BBS9: variants seen among roughly 807,000 people sequenced by gnomAD.
BBS9 encodes the protein protein PTHB1.
A neutral mutation model predicts 117.7 loss-of-function variants in BBS9; 89 were observed. That is an observed-to-expected ratio of 0.76 (90% CI 0.64 to 0.90). The LOEUF is 0.90. BBS9 is among the 40% of genes least tolerant of loss of function. The pLI is 0.00. For missense variants in BBS9, 982 were observed against 1,042.2 expected (o/e 0.94, Z 0.80); for synonymous variants, 379 against 370.9 (o/e 1.02, Z -0.25).
chr7:33,297,291 A>G (rs1298709744), intron 9 of BBS9, among the ~76,000 whole-genome samples: 1 of 152,144 alleles, frequency 6.6e-6, no homozygotes, highest in Non-Finnish European at 1.5e-5. Flanking sequence ...AATCTATTCA[A>G]TGAATACCAC....
At chr7:33,349,332 A>G in intron 13 of BBS9, 162 bp downstream of exon 13, 1 of 665,482 alleles carries the variant, frequency 1.5e-6, no homozygotes, top group Non-Finnish European at 2.8e-6. Flanking sequence ...TCTTAGCATC[A>G]GCATGAACGT....
intron 19 of BBS9, among the ~76,000 whole-genome samples, chr7:33,437,555 G>C (rs141123250): frequency 3.7e-4 from 57 of 152,252 alleles, no homozygotes; most frequent in African/African-American, 1.3e-3. Flanking sequence ...TAGCTTCTTA[G>C]ATAACTGTGT....
At chr7:33,527,955 TA>T (rs925566234) in intron 20 of BBS9, among the ~76,000 whole-genome samples, 1 of 152,234 alleles carries the variant, frequency 6.6e-6, no homozygotes, top group African/African-American at 2.4e-5. Flanking sequence ...TACCAAGTTT[TA>T]TTTGTTCTGG....
intron 5 of BBS9, among the ~76,000 whole-genome samples, chr7:33,192,288 T>C (rs1190219967): frequency 6.6e-6 from 1 of 152,200 alleles, no homozygotes; most frequent in Non-Finnish European, 1.5e-5. Context: ...TTAAAATATA[T>C]GAATTTACTA....
intron 20 of BBS9, among the ~76,000 whole-genome samples, chr7:33,517,359 G>C (rs1396670503): frequency 6.6e-5 from 10 of 152,176 alleles, no homozygotes; most frequent in Non-Finnish European, 4.4e-5. Context: ...GCTTCCACCT[G>C]CTCAACACCT....
chr7:33,190,887 G>A (rs77096148), intron 5 of BBS9, among the ~76,000 whole-genome samples: 4,011 of 152,296 alleles, frequency 0.026, 188 homozygotes, highest in African/African-American at 0.092. Context: ...AGGAATATCA[G>A]TGAATAATTA....
intron 5 of BBS9, among the ~76,000 whole-genome samples, chr7:33,251,097 CAAAG>C (rs1240055130): frequency 6.6e-6 from 1 of 152,124 alleles, no homozygotes; most frequent in Non-Finnish European, 1.5e-5. Context: ...AGACCTGACT[CAAAG>C]TGACTTCAGT....
chr7:33,609,658 C>T (rs958287657), downstream of BBS9, among the ~76,000 whole-genome samples: 8 of 152,146 alleles, frequency 5.3e-5, no homozygotes, highest in South Asian at 2.1e-4. Context: ...ATGGTCAGGA[C>T]GTCAGATTTC....
intron 19 of BBS9, among the ~76,000 whole-genome samples, chr7:33,398,681 A>G (rs539119097): frequency 6.6e-6 from 1 of 152,334 alleles, no homozygotes; most frequent in East Asian, 1.9e-4. Flanking sequence ...ATTTCCTAGA[A>G]GATTAAAAGA....
intron 9 of BBS9, among the ~76,000 whole-genome samples, chr7:33,329,082 G>A (rs1041439363): frequency 3.3e-5 from 5 of 151,574 alleles, no homozygotes; most frequent in East Asian, 1.9e-4. Flanking sequence ...GTGCAGTGGC[G>A]CGATCTCAGC....
At position 33,565,423 on chromosome 7, in the gene BBS9, T is replaced by G. The variant is rs1433155133; in HGVS notation, c.2521+31247T>G. On this transcript the variant is annotated intron_variant, in intron 21 of 22. Coordinates refer to ENST00000242067, the MANE Select transcript of BBS9 (RefSeq NM_198428.3). The stretch of plus-strand genomic sequence containing the variant: ...GTAACTGTGTACTGGCTGAAACATT[T>G]GTGAGCTCCCAAAAAATGCATCACT... Among the ~76,000 whole-genome samples, 4 of 152,122 alleles carry G rather than the reference T, an allele frequency of 2.6e-5. No individual in the cohort carries two copies. In the East Asian group the frequency reaches 7.7e-4, roughly 29 times the overall value.
intron 9 of BBS9, among the ~76,000 whole-genome samples, chr7:33,280,814 A>AT (rs1473980807): frequency 4.1e-5 from 6 of 146,876 alleles, no homozygotes; most frequent in Non-Finnish European, 6.0e-5. Context: ...GGGAAGAAGG[A>AT]TTTTTTCTTG....
chr7:33,380,457 A>T (rs1028489913), intron 17 of BBS9: 2 of 153,526 alleles, frequency 1.3e-5, no homozygotes, highest in African/African-American at 4.8e-5. Context: ...CTTGGACAAG[A>T]CCTGTTCCTT....
At chr7:33,201,465 G>A (rs946233422) in intron 5 of BBS9, among the ~76,000 whole-genome samples, 10 of 152,020 alleles carry the variant, frequency 6.6e-5, no homozygotes, top group African/African-American at 2.2e-4. Context: ...CAGCTCCTCT[G>A]TTTTCAGATC....
At chr7:33,287,183 A>C (rs1803069768) in intron 9 of BBS9, among the ~76,000 whole-genome samples, 1 of 152,218 alleles carries the variant, frequency 6.6e-6, no homozygotes, top group African/African-American at 2.4e-5. Flanking sequence ...TAGAATCAAA[A>C]GGAAATGCAA....
chr7:33,473,927 A>G (rs961009644), intron 19 of BBS9, among the ~76,000 whole-genome samples: 4 of 152,170 alleles, frequency 2.6e-5, no homozygotes, highest in Non-Finnish European at 5.9e-5. Context: ...ATTTTATATT[A>G]TGATGTTGCA....
chr7:33,211,130 C>T (rs1215819466), intron 5 of BBS9, among the ~76,000 whole-genome samples: 1 of 152,122 alleles, frequency 6.6e-6, no homozygotes, highest in Non-Finnish European at 1.5e-5. Flanking sequence ...CATTCAGCCA[C>T]TCTGTGTTTT....
chr7:33,489,488 T>C (rs1843613681), intron 19 of BBS9, among the ~76,000 whole-genome samples: 1 of 152,116 alleles, frequency 6.6e-6, no homozygotes, highest in South Asian at 2.1e-4. Context: ...AAACTAGAGA[T>C]ATAATCTAAA....
chr7:33,377,118 C>T lies in BBS9; in HGVS notation c.1790-6548C>T, dbSNP rs76999822. ...TGGTGTCTTTGTCATGAAATCTTTA[C>T]CAATTCCTATGCCCAGAATGATATT... On this transcript the variant is annotated intron_variant, in intron 17 of 22. Coordinates refer to ENST00000242067, the MANE Select transcript of BBS9 (RefSeq NM_198428.3). Among the ~76,000 whole-genome samples, 3,008 of 152,186 alleles carry T rather than the reference C, an allele frequency of 0.02. 202 individuals are homozygous for T. The East Asian group carries it at 0.26, about 13-fold the overall frequency.
Sources: allele counts gnomAD v4.1 joint callset (sites outside exome capture counted in the v4.1 genomes callset), GRCh38; gene constraint gnomAD v4.1.1; transcripts MANE v1.5; gene names NCBI Gene and HGNC (gene_info 2026-07-23, HGNC 2026-07-21).